SDCCAG8: variants seen among roughly 807,000 people sequenced by gnomAD.
SDCCAG8 encodes serologically defined colon cancer antigen 8.
A neutral mutation model predicts 101.8 loss-of-function variants in SDCCAG8; 74 were observed. That is an observed-to-expected ratio of 0.73 (90% CI 0.60 to 0.88). The LOEUF (loss-of-function observed/expected upper bound fraction) is 0.88. SDCCAG8 is among the 40% of genes least tolerant of loss of function. The probability of loss-of-function intolerance (pLI) is 0.00; values close to 1 mark genes in which losing one functional copy is unlikely to be tolerated. For missense variants in SDCCAG8, 787 were observed against 822.6 expected (o/e 0.96, Z 0.53); for synonymous variants, 281 against 292.9 (o/e 0.96, Z 0.41).
intron 1 of SDCCAG8, among the ~76,000 whole-genome samples, chr1:243,263,655 G>A (rs2067360501): frequency 6.6e-6 from 1 of 152,152 alleles, no homozygotes; most frequent in Non-Finnish European, 1.5e-5. Flanking sequence ...TCCAGACATT[G>A]CTTTCTTAAG....
intron 16 of SDCCAG8, chr1:243,488,088 C>CT (rs774035306): frequency 6.6e-6 from 1 of 152,228 alleles, no homozygotes; most frequent in African/African-American, 2.4e-5. Context: ...CATGTGCGGC[C>CT]TTTTTTGTAA....
At chr1:243,281,563 A>G (rs536063870) in intron 4 of SDCCAG8, among the ~76,000 whole-genome samples, 4 of 151,574 alleles carry the variant, frequency 2.6e-5, no homozygotes, top group African/African-American at 9.7e-5. Flanking sequence ...GATTGGATCA[A>G]TGTATAACAC....
At chr1:243,424,468 GA>G (rs759568737) in intron 15 of SDCCAG8, among the ~76,000 whole-genome samples, 11 of 152,102 alleles carry the variant, frequency 7.2e-5, no homozygotes, top group Non-Finnish European at 1.5e-4. Flanking sequence ...CTACCATCCA[GA>G]AATAACCAAT....
chr1:243,443,754 A>G (rs2082702537), intron 16 of SDCCAG8, among the ~76,000 whole-genome samples: 2 of 152,318 alleles, frequency 1.3e-5, no homozygotes, highest in South Asian at 2.1e-4. Context: ...GTCTGTTTCC[A>G]TAATGGTCCA....
chr1:243,438,027 C>G (rs562102848), intron 16 of SDCCAG8, among the ~76,000 whole-genome samples: 1 of 152,256 alleles, frequency 6.6e-6, no homozygotes, highest in South Asian at 2.1e-4. Flanking sequence ...GGTTTCTTGC[C>G]CCTCCCCCGG....
intron 13 of SDCCAG8, 120 bp downstream of exon 13, chr1:243,378,983 C>A: frequency 1.5e-6 from 2 of 1,321,534 alleles, no homozygotes; most frequent in Non-Finnish European, 2.2e-6. Flanking sequence ...AGCTTTCAGG[C>A]ATATTAAGAA....
intron 13 of SDCCAG8, among the ~76,000 whole-genome samples, chr1:243,392,304 A>G (rs561432883): frequency 9.2e-5 from 14 of 152,302 alleles, no homozygotes; most frequent in African/African-American, 3.4e-4. Context: ...TGGCAAGGCT[A>G]TTTGGGGCAC....
chr1:243,372,977 TATAAG>T (rs758446319), intron 12 of SDCCAG8, among the ~76,000 whole-genome samples: 21 of 148,784 alleles, frequency 1.4e-4, no homozygotes, highest in Non-Finnish European at 2.2e-4. Flanking sequence ...TTAATATATA[TATAAG>T]ATAAGATAAA....
chr1:243,293,251 C>A, intron 6 of SDCCAG8, 32 bp downstream of exon 6: 1 of 1,601,114 alleles, frequency 6.2e-7, no homozygotes. Flanking sequence ...TCTTATACAT[C>A]TTTTTTTTCT....
At chr1:243,459,515 G>A (rs1658600109) in intron 16 of SDCCAG8, among the ~76,000 whole-genome samples, 1 of 152,062 alleles carries the variant, frequency 6.6e-6, no homozygotes, top group Non-Finnish European at 1.5e-5. Context: ...TTGGGGGGTG[G>A]GGGGTGGAAA....
chr1:243,317,917 T>G, intron 9 of SDCCAG8: 1 of 391,980 alleles, frequency 2.6e-6, no homozygotes. Context: ...AGCACTGGTC[T>G]AAACCATATA....
intron 16 of SDCCAG8, chr1:243,476,387 G>A: frequency 1.0e-6 from 1 of 983,796 alleles, no homozygotes; most frequent in African/African-American, 1.7e-5. Context: ...GATTGAATCT[G>A]GTTACTTAGC....
intron 1 of SDCCAG8, chr1:243,267,812 G>C (rs551436708): frequency 1.2e-6 from 1 of 841,956 alleles, no homozygotes; most frequent in East Asian, 2.4e-5. Flanking sequence ...TACACAATCA[G>C]TTATACAAGG....
intron 16 of SDCCAG8, among the ~76,000 whole-genome samples, chr1:243,484,725 C>T (rs535218114): frequency 6.6e-6 from 1 of 152,308 alleles, no homozygotes; most frequent in East Asian, 1.9e-4. Context: ...TTGATGGACC[C>T]CCAGGTCTTA....
At chr1:243,465,422 G>A (rs901092836) in intron 16 of SDCCAG8, among the ~76,000 whole-genome samples, 5 of 152,230 alleles carry the variant, frequency 3.3e-5, no homozygotes, top group South Asian at 2.1e-4. Context: ...TTGGCTTTTC[G>A]AATTTTGGAA....
intron 17 of SDCCAG8, 69 bp downstream of exon 17, chr1:243,489,209 C>T: frequency 6.4e-7 from 1 of 1,570,126 alleles, no homozygotes; most frequent in Admixed American, 1.8e-5. Context: ...TTTTATGCAC[C>T]TCAACAGGCC....
intron 14 of SDCCAG8, among the ~76,000 whole-genome samples, 170 bp downstream of exon 14, chr1:243,415,999 A>T (rs2080558414): frequency 6.6e-6 from 1 of 152,190 alleles, no homozygotes; most frequent in Non-Finnish European, 1.5e-5. Flanking sequence ...AAAAGAGAAA[A>T]TGGAAAGTAT....
At chr1:243,339,135 GGGCAGA>G (rs1252387652) in intron 10 of SDCCAG8, among the ~76,000 whole-genome samples, 1 of 151,890 alleles carries the variant, frequency 6.6e-6, no homozygotes, top group Non-Finnish European at 1.5e-5. Context: ...GACAGCTAGT[GGGCAGA>G]GGAAGGGAAT....
intron 13 of SDCCAG8, among the ~76,000 whole-genome samples, chr1:243,414,430 G>A (rs924529213): frequency 1.5e-4 from 23 of 152,138 alleles, no homozygotes; most frequent in Admixed American, 8.5e-4. Context: ...CACATCCCGG[G>A]GGGAGGTGTT....
Sources: allele counts gnomAD v4.1 joint callset (sites outside exome capture counted in the v4.1 genomes callset), GRCh38; gene constraint gnomAD v4.1.1; transcripts MANE v1.5; gene names NCBI Gene and HGNC (gene_info 2026-07-23, HGNC 2026-07-21).